Variants in PRR5L observed in about 807,000 individuals in gnomAD.
The protein encoded by PRR5L is proline-rich protein 5-like.
Under a neutral mutation model 36.4 loss-of-function variants are expected in PRR5L, and 21 were observed. The ratio of observed to expected loss-of-function variants is 0.58; its 90% CI spans 0.41 to 0.83. PRR5L has a LOEUF of 0.83. PRR5L is among the 40% of genes least tolerant of loss of function. The probability of loss-of-function intolerance (pLI) is 0.00; values close to 1 mark genes in which losing one functional copy is unlikely to be tolerated. For missense variants in PRR5L, 381 were observed against 473.3 expected (o/e 0.80, Z 1.81); for synonymous variants, 188 against 197.0 (o/e 0.95, Z 0.38).
intron 1 of PRR5L, among the ~76,000 whole-genome samples, chr11:36,397,368 T>A (rs1053415388): frequency 6.7e-6 from 1 of 150,142 alleles, no homozygotes; most frequent in Non-Finnish European, 1.5e-5. Context: ...CCAGCTCAAC[T>A]GGTATTTTGT....
chr11:36,348,877 G>A (rs189400055), intron 1 of PRR5L, among the ~76,000 whole-genome samples: 7 of 152,294 alleles, frequency 4.6e-5, no homozygotes, highest in Non-Finnish European at 7.3e-5. Flanking sequence ...GACCACTCAC[G>A]TATAGTAAAA....
intron 1 of PRR5L, among the ~76,000 whole-genome samples, chr11:36,374,906 C>T (rs142498843): frequency 6.6e-6 from 1 of 152,270 alleles, no homozygotes; most frequent in East Asian, 1.9e-4. Flanking sequence ...ATCCCTTAGA[C>T]GAGCCTCTTT....
Position 36,388,694 on chromosome 11 carries a change from C to CTTTTTTTTTTTTTTTTTTTTTTTTT in PRR5L, c.-125-12300_-125-12299insTTTTTTTTTTTTTTTTTTTTTTTTT, listed in dbSNP as rs1252535250. ...TTCTTTCATTCAAGGTCGGCTCTTT[C>CTTTTTTTTTTTTTTTTTTTTTTTTT]TTTCTTTTTTTTTTTTTTTTTTGAG... is the stretch of plus-strand genomic sequence containing the variant. On this transcript the variant is annotated intron_variant, in intron 1 of 8. Transcript: ENST00000530639. 4.4e-5 allele frequency among the ~76,000 whole-genome samples: 5 copies of CTTTTTTTTTTTTTTTTTTTTTTTTT among 112,790 alleles called. 2 individuals carry two copies. The highest frequency in any genetic ancestry group is 6.9e-5 in the Non-Finnish European group (4 of 58,124). 74.0% of individuals were successfully genotyped at this position (112,790 alleles called of 152,430 possible). A position where few individuals can be genotyped will look rare whatever the true frequency, so the allele number is the denominator to read the frequency against.
chr11:36,446,927 G>T (rs977680861), intron 7 of PRR5L, among the ~76,000 whole-genome samples: 1 of 152,160 alleles, frequency 6.6e-6, no homozygotes, highest in African/African-American at 2.4e-5. Flanking sequence ...GGGCTACTTT[G>T]TCTGTCTTCA....
At chr11:36,441,482 GCCCTGGGCAGCTCTGC>G (rs1338823381) in intron 6 of PRR5L, among the ~76,000 whole-genome samples, 1 of 152,232 alleles carries the variant, frequency 6.6e-6, no homozygotes, top group Admixed American at 6.5e-5. Context: ...GGCTCCCAAG[GCCCTGGGCAGCTCTGC>G]CCCTGTGGCT....
chr11:36,425,245 A>G (rs985550841), intron 4 of PRR5L, among the ~76,000 whole-genome samples: 3 of 152,208 alleles, frequency 2.0e-5, no homozygotes, highest in Non-Finnish European at 4.4e-5. Context: ...CGGTTCTGTT[A>G]TTACATATCC....
rs373169172 is a variant in PRR5L, at chr11:36,416,944, A to G, written c.246-2311A>G. ...CAGTCATATCTAGCCCAAACTCACA[A>G]TTATTACACCATCATAGATCCCTCC... On this transcript the variant is annotated intron_variant, in intron 3 of 8. Transcript: ENST00000530639. 5.3e-5 allele frequency among the ~76,000 whole-genome samples: 8 copies of G among 152,242 alleles called. No homozygotes were observed. The South Asian group carries it at 8.3e-4, about 16-fold the overall frequency.
chr11:36,334,993 T>C (rs1246163224), intron 1 of PRR5L, among the ~76,000 whole-genome samples: 7 of 152,216 alleles, frequency 4.6e-5, no homozygotes, highest in African/African-American at 1.7e-4. Flanking sequence ...TGTTAGGTAT[T>C]GCTTTTGAAA....
intron 1 of PRR5L, among the ~76,000 whole-genome samples, chr11:36,352,792 C>T (rs1440564202): frequency 6.6e-6 from 1 of 152,134 alleles, no homozygotes; most frequent in Non-Finnish European, 1.5e-5. Context: ...AACCCTGATA[C>T]CAGTGTTCTC....
intron 3 of PRR5L, among the ~76,000 whole-genome samples, chr11:36,412,181 T>C (rs1858041208): frequency 6.6e-6 from 1 of 152,168 alleles, no homozygotes; most frequent in Non-Finnish European, 1.5e-5. Flanking sequence ...CTGGGCTCCC[T>C]GATCTCAACA....
intron 1 of PRR5L, among the ~76,000 whole-genome samples, chr11:36,328,074 A>G (rs1856682936): frequency 6.6e-6 from 1 of 152,214 alleles, no homozygotes; most frequent in Non-Finnish European, 1.5e-5. Flanking sequence ...TTCTGTCAAC[A>G]TGACAAAAGA....
intron 4 of PRR5L, among the ~76,000 whole-genome samples, chr11:36,431,032 C>T (rs767729423): frequency 8.5e-5 from 13 of 152,114 alleles, no homozygotes; most frequent in Non-Finnish European, 1.8e-4. Context: ...GACACCAGCC[C>T]GTCATTGATC....
chr11:36,340,276 A>G (rs781421638), intron 1 of PRR5L, among the ~76,000 whole-genome samples: 3 of 152,150 alleles, frequency 2.0e-5, no homozygotes, highest in Non-Finnish European at 4.4e-5. Context: ...AAACTGGCCT[A>G]TTTTGGAAAC....
chr11:36,308,267 T>G (rs1222853115), intron 1 of PRR5L, among the ~76,000 whole-genome samples: 2 of 152,246 alleles, frequency 1.3e-5, no homozygotes, highest in Non-Finnish European at 2.9e-5. Context: ...TGCCAAGACT[T>G]CCATTGCTAG....
intron 2 of PRR5L, 148 bp from the exon 3 acceptor site, chr11:36,403,150 A>G (rs2133560378): frequency 1.6e-6 from 1 of 606,658 alleles, no homozygotes; most frequent in Admixed American, 3.2e-5. Flanking sequence ...CTCCAAGGAC[A>G]CTGAGGAAAT....
intron 5 of PRR5L, among the ~76,000 whole-genome samples, chr11:36,436,158 A>T (rs894174103): frequency 6.6e-6 from 1 of 152,152 alleles, no homozygotes; most frequent in African/African-American, 2.4e-5. Context: ...CACTGCTTTT[A>T]TTGCCCATTA....
chr11:36,309,239 C>A (rs1014480537), intron 1 of PRR5L, among the ~76,000 whole-genome samples: 1 of 152,222 alleles, frequency 6.6e-6, no homozygotes. Flanking sequence ...TGTTTTCTGA[C>A]CTATTCTCAC....
intron 8 of PRR5L, among the ~76,000 whole-genome samples, chr11:36,452,862 A>G (rs915280860): frequency 6.6e-6 from 1 of 152,230 alleles, no homozygotes; most frequent in African/African-American, 2.4e-5. Context: ...CAGGAGAAAA[A>G]CAAACAGCAG....
At position 36,401,026 on chromosome 11, in the gene PRR5L, G is replaced by C. The variant is rs1857781320; in HGVS notation, c.-96G>C. The C allele has an allele frequency of 1.3e-6, 2 of 1,515,970 alleles. No individual in the cohort carries two copies. Among genetic ancestry groups the C allele is most frequent in the Admixed American group, 2.2e-5 (1 of 45,022 alleles). The allele number at this position is 1,515,970 out of a possible 1,614,324, so 93.9% of individuals were successfully genotyped here. A position where few individuals can be genotyped will look rare whatever the true frequency, so the allele number is the denominator to read the frequency against. On this transcript the variant is annotated 5_prime_UTR_variant, in exon 2 of 9. Transcript: ENST00000530639. Reference sequence around the variant, plus strand: ...TGGCTACGTTTGTGGTTTTAAGAAAGCCTGAGGGCCTGAAGGCAGCCCCTG... The same window carrying C: ...TGGCTACGTTTGTGGTTTTAAGAAACCCTGAGGGCCTGAAGGCAGCCCCTG...
Sources: gnomAD v4.1 joint callset for allele counts (sites outside exome capture counted in the v4.1 genomes callset) on GRCh38, gnomAD v4.1.1 for gene constraint, MANE v1.5 for transcripts, NCBI Gene and HGNC (gene_info 2026-07-23, HGNC 2026-07-21) for gene names.